Variants in WRN observed in about 807,000 individuals in gnomAD.
WRN encodes the protein WRN RecQ like helicase, also known as bifunctional 3'-5' exonuclease/ATP-dependent helicase WRN.
Under a neutral mutation model 180.7 loss-of-function variants are expected in WRN, and 149 were observed. The ratio of observed to expected loss-of-function variants is 0.82; its 90% CI spans 0.72 to 0.94. The LOEUF is 0.94. WRN is among the 40% of genes least tolerant of loss of function. The probability of loss-of-function intolerance (pLI) is 0.00; values close to 1 mark genes in which losing one functional copy is unlikely to be tolerated. For synonymous variants in WRN, 548 were observed against 568.9 expected (o/e 0.96, Z 0.52); for missense variants, 1,661 against 1,700.1 (o/e 0.98, Z 0.40).
Position 31,124,519 on chromosome 8 carries a change from C to A in WRN, c.2631-3C>A. ...ATATTCCTGTGATGTTTTTAATCGA[C>A]AGGCACCTTCTTACTGAGATACGTA... On this transcript the variant is annotated splice_polypyrimidine_tract_variant and splice_region_variant and intron_variant, in intron 21 of 34. Transcript: ENST00000298139. The A allele has an allele frequency of 6.2e-7, 1 of 1,608,730 alleles. No homozygotes were observed. The highest frequency in any genetic ancestry group is 8.5e-7 in the Non-Finnish European group (1 of 1,176,170).
chr8:31,101,404 C>A (rs889026248), intron 18 of WRN, among the ~76,000 whole-genome samples: 3 of 152,152 alleles, frequency 2.0e-5, no homozygotes, highest in African/African-American at 7.2e-5. Flanking sequence ...TCTTGTATCA[C>A]ATTGAAAACC....
chr8:31,141,986 G>A (rs1802656751), intron 26 of WRN, among the ~76,000 whole-genome samples: 1 of 151,824 alleles, frequency 6.6e-6, no homozygotes, highest in Non-Finnish European at 1.5e-5. Context: ...GTCTCTCTGT[G>A]TTGCTCAAGC....
intron 1 of WRN, among the ~76,000 whole-genome samples, chr8:31,048,477 A>C (rs1811954690): frequency 6.6e-6 from 1 of 152,148 alleles, no homozygotes; most frequent in African/African-American, 2.4e-5. Context: ...TAAACTATAG[A>C]TTGTATATAT....
In WRN at chr8:31,147,121, A is replaced by G. The variant is rs1396993219; in HGVS notation, c.3452A>G (p.Glu1151Gly). The G allele has an allele frequency of 1.2e-6, 2 of 1,613,856 alleles. No individual in the cohort carries two copies. Among genetic ancestry groups the G allele is most frequent in the Non-Finnish European group, 1.7e-6 (2 of 1,179,800 alleles). ...CCTGTTATTTCGGCACAAGAGCAGG[A>G]GACTCAGGTAAGGCTTTTGTAAAAA... ...SQPVISAQEQETQIVLYGKLV... is the reference protein window; with the variant it reads ...SQPVISAQEQGTQIVLYGKLV... The change falls in exon 29 of 35, where the codon GAG becomes GGG. Residue 1151 changes from glutamate to glycine, a missense_variant. Transcript: ENST00000298139.
At chr8:31,153,061 A>G (rs1014001972) in intron 31 of WRN, among the ~76,000 whole-genome samples, 1 of 152,108 alleles carries the variant, frequency 6.6e-6, no homozygotes, top group African/African-American at 2.4e-5. Flanking sequence ...TTATATTCCA[A>G]ACTTGTTCTC....
intron 33 of WRN, among the ~76,000 whole-genome samples, chr8:31,165,207 G>A (rs142494198): frequency 1.4e-3 from 211 of 152,006 alleles, no homozygotes; most frequent in African/African-American, 4.9e-3. Flanking sequence ...AATAGCTCAA[G>A]CTTGTGTGAT....
intron 31 of WRN, among the ~76,000 whole-genome samples, chr8:31,151,575 C>T (rs1220622318): frequency 6.6e-6 from 1 of 152,138 alleles, no homozygotes; most frequent in African/African-American, 2.4e-5. Flanking sequence ...ATCATACCTA[C>T]CAGCGGTAAT....
At chr8:31,136,663 C>T (rs1255596868) in intron 24 of WRN, among the ~76,000 whole-genome samples, 1 of 152,054 alleles carries the variant, frequency 6.6e-6, no homozygotes, top group African/African-American at 2.4e-5. Context: ...TAGCGAGACT[C>T]CGTCTCTATA....
chr8:31,155,695 GT>G (rs550399639), intron 32 of WRN, among the ~76,000 whole-genome samples: 3 of 151,908 alleles, frequency 2.0e-5, no homozygotes, highest in African/African-American at 4.8e-5. Context: ...GGCTGTTGAG[GT>G]TTTTTGTATA....
At chr8:31,156,835 T>C (rs1363945330) in intron 32 of WRN, among the ~76,000 whole-genome samples, 2 of 152,354 alleles carry the variant, frequency 1.3e-5, no homozygotes, top group East Asian at 3.8e-4. Flanking sequence ...GAACTGTGGT[T>C]ATTATTATTT....
At chr8:31,148,359 G>A (rs1411750547) in intron 30 of WRN, among the ~76,000 whole-genome samples, 2 of 152,076 alleles carry the variant, frequency 1.3e-5, no homozygotes, top group South Asian at 2.1e-4. Context: ...TGTTTCATCT[G>A]ATATATGAGT....
At chr8:31,145,170 T>C (rs1802810071) in intron 28 of WRN, among the ~76,000 whole-genome samples, 1 of 152,234 alleles carries the variant, frequency 6.6e-6, no homozygotes, top group Non-Finnish European at 1.5e-5. Flanking sequence ...ACTAACAGAC[T>C]TTGAATGTAG....
chr8:31,070,573 T>C (rs1812874543), intron 7 of WRN, among the ~76,000 whole-genome samples: 1 of 151,856 alleles, frequency 6.6e-6, no homozygotes, highest in Admixed American at 6.6e-5. Context: ...GCCTACAGTT[T>C]TATTGGGGAT....
intron 19 of WRN, among the ~76,000 whole-genome samples, chr8:31,113,393 A>G (rs1183053185): frequency 1.3e-5 from 2 of 152,174 alleles, no homozygotes; most frequent in African/African-American, 2.4e-5. Flanking sequence ...TTCTTGTCCT[A>G]TATTCAGAAT....
intron 16 of WRN, among the ~76,000 whole-genome samples, chr8:31,094,595 C>T (rs924662706): frequency 6.6e-5 from 10 of 152,154 alleles, no homozygotes; most frequent in Admixed American, 2.6e-4. Context: ...AATTGTCCCA[C>T]CTCAGCCTTC....
At chr8:31,088,009 C>G in intron 12 of WRN, 89 bp downstream of exon 12, 2 of 1,550,968 alleles carry the variant, frequency 1.3e-6, no homozygotes, top group Non-Finnish European at 1.7e-6. Flanking sequence ...GTTTGGAGGT[C>G]AGGGACTTTG....
chr8:31,035,154 C>G (rs1811402055), intron 1 of WRN, among the ~76,000 whole-genome samples: 1 of 152,042 alleles, frequency 6.6e-6, no homozygotes, highest in Admixed American at 6.6e-5. Flanking sequence ...ATGAACAAAA[C>G]AGACAAACAT....
At chr8:31,145,535 C>A (rs561539754) in intron 28 of WRN, among the ~76,000 whole-genome samples, 1 of 152,214 alleles carries the variant, frequency 6.6e-6, no homozygotes, top group East Asian at 1.9e-4. Context: ...CACCAAGAGC[C>A]GTAATGGAGA....
chr8:31,080,233 A>G (rs1336290328), intron 8 of WRN, among the ~76,000 whole-genome samples: 1 of 152,122 alleles, frequency 6.6e-6, no homozygotes, highest in African/African-American at 2.4e-5. Context: ...CAATATTTTT[A>G]TATATGTCAA....
Sources: allele counts gnomAD v4.1 joint callset (sites outside exome capture counted in the v4.1 genomes callset), GRCh38; gene constraint gnomAD v4.1.1; transcripts MANE v1.5; gene names NCBI Gene and HGNC (gene_info 2026-07-23, HGNC 2026-07-21).